NDUFAF6: variants seen among roughly 807,000 people sequenced by gnomAD.
NDUFAF6 encodes NADH dehydrogenase (ubiquinone) complex I, assembly factor 6.
NDUFAF6 carries 45 observed loss-of-function variants against 40.8 expected under a neutral mutation model. The observed-to-expected ratio is 1.10, with a 90% CI of 0.87 to 1.42. The LOEUF is 1.42. Among genes scored for constraint, NDUFAF6 ranks in the 40% most tolerant of loss-of-function variants. The pLI is 0.00. For synonymous variants in NDUFAF6, 185 were observed against 155.9 expected (o/e 1.19, Z -1.39); for missense variants, 435 against 418.5 (o/e 1.04, Z -0.34).
intron 2 of NDUFAF6, among the ~76,000 whole-genome samples, chr8:95,088,747 TTTTTA>T (rs61403547): frequency 0.48 from 41,625 of 87,536 alleles, 6,806 homozygotes; most frequent in African/African-American, 0.59. Flanking sequence ...TGTTTTCTTG[TTTTTA>T]TTTTATTTTA....
chr8:94,980,625 T>A (rs1825359015), intron 1 of NDUFAF6, among the ~76,000 whole-genome samples: 2 of 50,576 alleles, frequency 4.0e-5, no homozygotes, highest in African/African-American at 8.0e-5. Context: ...TGTTTTTTTT[T>A]AGTAGGGGGG....
intron 1 of NDUFAF6, among the ~76,000 whole-genome samples, chr8:94,904,397 C>T (rs1240496641): frequency 6.5e-5 from 8 of 122,762 alleles, no homozygotes; most frequent in East Asian, 2.7e-4. Context: ...AGGATGGTCT[C>T]GATCTCCTGA....
intron 1 of NDUFAF6, among the ~76,000 whole-genome samples, chr8:94,905,207 A>T (rs941190854): frequency 5.3e-5 from 8 of 150,752 alleles, no homozygotes; most frequent in African/African-American, 1.5e-4. Context: ...AGAAAAAAAA[A>T]TTTTTTTCTT....
intron 2 of NDUFAF6, among the ~76,000 whole-genome samples, chr8:95,019,712 C>G (rs1404462306): frequency 1.3e-5 from 2 of 152,156 alleles, no homozygotes; most frequent in African/African-American, 4.8e-5. Flanking sequence ...TCTGAGAGAA[C>G]AGTGTGTAGG....
downstream of NDUFAF6, among the ~76,000 whole-genome samples, chr8:95,117,939 C>T (rs1009445669): frequency 2.6e-5 from 4 of 152,212 alleles, no homozygotes; most frequent in Admixed American, 6.5e-5. Flanking sequence ...TTAGTAGTTT[C>T]AAGCAACAAT....
chr8:95,062,589 A>G (rs1489671420), downstream of NDUFAF6, among the ~76,000 whole-genome samples: 2 of 152,154 alleles, frequency 1.3e-5, no homozygotes, highest in African/African-American at 4.8e-5. Context: ...TTACTTGCTT[A>G]CTCTAAATAC....
At chr8:95,112,108 T>C (rs1363777850) in intron 4 of NDUFAF6, among the ~76,000 whole-genome samples, 1 of 152,188 alleles carries the variant, frequency 6.6e-6, no homozygotes, top group Non-Finnish European at 1.5e-5. Context: ...AACCTAATTA[T>C]GCTATTTTAC....
upstream of NDUFAF6, among the ~76,000 whole-genome samples, chr8:95,023,484 C>T (rs546428441): frequency 3.9e-5 from 6 of 152,272 alleles, no homozygotes; most frequent in South Asian, 6.2e-4. Context: ...ACATCATGGA[C>T]GGACTGCATA....
chr8:95,023,333 G>GTTT (rs1374910585), upstream of NDUFAF6: 1 of 152,232 alleles, frequency 6.6e-6, no homozygotes, highest in African/African-American at 2.4e-5. Context: ...ATTTCAGAGA[G>GTTT]TAAAAACCAA....
intron 1 of NDUFAF6, among the ~76,000 whole-genome samples, chr8:94,961,296 T>A (rs1285623155): frequency 6.6e-6 from 1 of 152,260 alleles, no homozygotes; most frequent in Non-Finnish European, 1.5e-5. Flanking sequence ...ATTCATTCAA[T>A]AAGAACTTTT....
At chr8:95,012,324 T>G (rs1827258196) in intron 2 of NDUFAF6, among the ~76,000 whole-genome samples, 1 of 152,164 alleles carries the variant, frequency 6.6e-6, no homozygotes, top group Admixed American at 6.5e-5. Flanking sequence ...TTATGCTCAT[T>G]TAATTTACCA....
chr8:95,005,526 A>AATATATATATAT (rs760333438), intron 2 of NDUFAF6, among the ~76,000 whole-genome samples: 13 of 7,272 alleles, frequency 1.8e-3, no homozygotes, highest in East Asian at 0.013. Flanking sequence ...GGTCCTTTTA[A>AATATATATATAT]ATATATATAT....
At chr8:94,972,427 T>C (rs184416780) in intron 1 of NDUFAF6, among the ~76,000 whole-genome samples, 8 of 152,076 alleles carry the variant, frequency 5.3e-5, no homozygotes, top group South Asian at 2.1e-4. Context: ...TTAGTAGATA[T>C]GGGGTTTCGC....
chr8:94,944,581 T>TGGGCGACAGAGTGCTCA (rs1311461001), intron 1 of NDUFAF6, among the ~76,000 whole-genome samples: 1 of 152,190 alleles, frequency 6.6e-6, no homozygotes, highest in Non-Finnish European at 1.5e-5. Context: ...CAACCAACCT[T>TGGGCGACAGAGTGCTCA]GGGCGACAGA....
intron 1 of NDUFAF6, among the ~76,000 whole-genome samples, chr8:94,906,431 T>C (rs1818396537): frequency 6.6e-6 from 1 of 152,180 alleles, no homozygotes; most frequent in Admixed American, 6.5e-5. Flanking sequence ...TATAAGAACC[T>C]AACCCACCAC....
At chr8:94,910,168 T>A (rs571078516) in intron 1 of NDUFAF6, among the ~76,000 whole-genome samples, 44 of 152,266 alleles carry the variant, frequency 2.9e-4, no homozygotes, top group East Asian at 7.7e-4. Context: ...GGTTTTTTTT[T>A]ATTGGAGATG....
chr8:95,046,529 C>T (rs556562582), intron 5 of NDUFAF6, among the ~76,000 whole-genome samples: 74 of 152,252 alleles, frequency 4.9e-4, no homozygotes, highest in African/African-American at 1.7e-3. Flanking sequence ...ATCTCTATAC[C>T]TCCCTAAAAG....
chr8:95,073,162 C>T (rs1374037207), intron 9 of NDUFAF6: 9 of 152,676 alleles, frequency 5.9e-5, no homozygotes, highest in Admixed American at 5.9e-4. Context: ...GATGCCGCAT[C>T]GCGGGTCGCT....
chr8:95,041,664 CTGTT>C (rs1563819674), intron 4 of NDUFAF6, 38 bp downstream of exon 4: 1 of 1,485,126 alleles, frequency 6.7e-7, no homozygotes, highest in East Asian at 2.3e-5. Context: ...TTTTTTCTTC[CTGTT>C]TAATTCTTAA....
Sources: allele counts gnomAD v4.1 joint callset (sites outside exome capture counted in the v4.1 genomes callset), GRCh38; gene constraint gnomAD v4.1.1; transcripts MANE v1.5; gene names NCBI Gene and HGNC (gene_info 2026-07-23, HGNC 2026-07-21).